The following ADAMTSL1 variants were observed in gnomAD, a reference collection of about 807,000 sequenced individuals.
The protein encoded by ADAMTSL1 is ADAMTS-like protein 1.
In ADAMTSL1, 126 loss-of-function variants were observed where a neutral mutation model predicts 201.8. The observed-to-expected ratio is 0.62, with a 90% confidence interval of 0.54 to 0.72. The LOEUF is 0.72. Ranked by LOEUF, ADAMTSL1 falls within the 30% of genes least tolerant of loss-of-function variation. The pLI, the probability that ADAMTSL1 is intolerant of heterozygous loss-of-function variation, is 0.00. For missense variants in ADAMTSL1, 2,679 were observed against 2,277.8 expected (o/e 1.18, Z -3.59); for synonymous variants, 1,121 against 903.4 (o/e 1.24, Z -4.32).
At chr9:18,014,012 A>G (rs1366358079) in intron 1 of ADAMTSL1, among the ~76,000 whole-genome samples, 1 of 152,024 alleles carries the variant, frequency 6.6e-6, no homozygotes, top group African/African-American at 2.4e-5. Flanking sequence ...TTCTCATGCC[A>G]CCTTCCAGAG....
chr9:18,367,542 C>T (rs1836824557), intron 2 of ADAMTSL1, among the ~76,000 whole-genome samples: 1 of 151,840 alleles, frequency 6.6e-6, no homozygotes, highest in Non-Finnish European at 1.5e-5. Context: ...TATTTTAAGA[C>T]ACTGATAATA....
rs184582068 is a variant in ADAMTSL1, at chr9:18,219,663, G to A, written c.207+55682G>A. 9.2e-5 allele frequency among the ~76,000 whole-genome samples: 14 copies of A among 152,210 alleles called. 1 individual carries two copies. The East Asian group carries it at 2.5e-3, about 27-fold the overall frequency. On this transcript the variant is annotated intron_variant, in intron 2 of 29. Coordinates refer to the ADAMTSL1 transcript ENST00000680146. ...ATGAGCCACTGTGCCCAGCCTATAT[G>A]TACATTTAATTAAAGTAACTTTGTC...
chr9:18,299,424 G>C (rs1369961494), intron 2 of ADAMTSL1, among the ~76,000 whole-genome samples: 1 of 152,172 alleles, frequency 6.6e-6, no homozygotes, highest in Non-Finnish European at 1.5e-5. Flanking sequence ...TCACCAGTTG[G>C]AATGGCAGTT....
chr9:18,660,518 A>G (rs1001086730), intron 8 of ADAMTSL1, among the ~76,000 whole-genome samples: 3 of 152,240 alleles, frequency 2.0e-5, no homozygotes, highest in Non-Finnish European at 4.4e-5. Flanking sequence ...TTTGAAGAAT[A>G]ATCATCTCAG....
At chr9:17,938,124 A>C (rs1827089333) in intron 1 of ADAMTSL1, among the ~76,000 whole-genome samples, 1 of 152,160 alleles carries the variant, frequency 6.6e-6, no homozygotes, top group South Asian at 2.1e-4. Flanking sequence ...TTGAATTATA[A>C]TTTAAGATTT....
chr9:18,623,376 C>A (rs1826155545), intron 5 of ADAMTSL1, among the ~76,000 whole-genome samples: 3 of 152,160 alleles, frequency 2.0e-5, no homozygotes, highest in African/African-American at 7.2e-5. Flanking sequence ...ATAACTGAAG[C>A]TTAGCCAGAT....
At chr9:18,328,352 T>C (rs923517422) in intron 2 of ADAMTSL1, among the ~76,000 whole-genome samples, 2 of 152,210 alleles carry the variant, frequency 1.3e-5, no homozygotes, top group Non-Finnish European at 2.9e-5. Context: ...TGTTTGTCTC[T>C]TTTTCTATAT....
chr9:18,712,271 A>C (rs142577798), intron 14 of ADAMTSL1, among the ~76,000 whole-genome samples: 1 of 152,088 alleles, frequency 6.6e-6, no homozygotes, highest in Non-Finnish European at 1.5e-5. Context: ...GAGCTGAGAG[A>C]AGAAGGCTTC....
At chr9:18,864,012 G>A (rs1265519977) in intron 23 of ADAMTSL1, among the ~76,000 whole-genome samples, 1 of 152,152 alleles carries the variant, frequency 6.6e-6, no homozygotes, top group Non-Finnish European at 1.5e-5. Context: ...ATGCTGACAG[G>A]CCTGGAGCCA....
intron 21 of ADAMTSL1, among the ~76,000 whole-genome samples, chr9:18,824,108 T>C (rs1241022268): frequency 6.6e-6 from 1 of 152,110 alleles, no homozygotes; most frequent in Non-Finnish European, 1.5e-5. Context: ...TTTTCCTTGT[T>C]CTTTCAGGAG....
chr9:18,305,408 G>C (rs980351452), intron 2 of ADAMTSL1, among the ~76,000 whole-genome samples: 5 of 152,192 alleles, frequency 3.3e-5, no homozygotes, highest in African/African-American at 9.6e-5. Context: ...AAGTGGTCTA[G>C]CTCAGGGGAT....
intron 2 of ADAMTSL1, among the ~76,000 whole-genome samples, chr9:18,290,574 A>C (rs909717005): frequency 1.3e-5 from 2 of 151,932 alleles, no homozygotes; most frequent in Non-Finnish European, 2.9e-5. Context: ...CTGTGATGTA[A>C]AAGACCACAA....
intron 14 of ADAMTSL1, among the ~76,000 whole-genome samples, chr9:18,709,179 C>A (rs1832407140): frequency 6.6e-6 from 1 of 152,098 alleles, no homozygotes; most frequent in Non-Finnish European, 1.5e-5. Context: ...GTCGAAAATT[C>A]CAAAGTGATG....
At chr9:18,600,512 C>T (rs1437317192) in intron 4 of ADAMTSL1, among the ~76,000 whole-genome samples, 1 of 152,160 alleles carries the variant, frequency 6.6e-6, no homozygotes, top group African/African-American at 2.4e-5. Flanking sequence ...TTTTAAGCCC[C>T]TGAGAATCTA....
At chr9:18,629,473 A>G (rs1826605513) in intron 5 of ADAMTSL1, among the ~76,000 whole-genome samples, 1 of 152,184 alleles carries the variant, frequency 6.6e-6, no homozygotes, top group Non-Finnish European at 1.5e-5. Flanking sequence ...GAATTTTATT[A>G]AATTCTCTTT....
chr9:18,464,215 C>A (rs971413900), intron 2 of ADAMTSL1, among the ~76,000 whole-genome samples: 12 of 152,318 alleles, frequency 7.9e-5, no homozygotes, highest in Admixed American at 3.9e-4. Context: ...TGAGCCAGAG[C>A]CTCAAGCTAG....
At chr9:18,383,399 T>C (rs1837644986) in intron 2 of ADAMTSL1, among the ~76,000 whole-genome samples, 1 of 152,070 alleles carries the variant, frequency 6.6e-6, no homozygotes, top group African/African-American at 2.4e-5. Flanking sequence ...AGGCCTTTCA[T>C]TTGCAAAAGG....
At chr9:18,202,027 C>T (rs1282736075) in intron 2 of ADAMTSL1, among the ~76,000 whole-genome samples, 2 of 152,098 alleles carry the variant, frequency 1.3e-5, no homozygotes, top group Non-Finnish European at 2.9e-5. Context: ...ATATGATTTG[C>T]TGTTACCATA....
chr9:17,948,381 G>C (rs1057350056), intron 1 of ADAMTSL1, among the ~76,000 whole-genome samples: 10 of 152,182 alleles, frequency 6.6e-5, no homozygotes, highest in African/African-American at 2.4e-4. Context: ...TGAATTAGCA[G>C]CTTCATGCCT....
Sources: allele counts gnomAD v4.1 joint callset (sites outside exome capture counted in the v4.1 genomes callset), GRCh38; gene constraint gnomAD v4.1.1; transcripts MANE v1.5; gene names NCBI Gene and HGNC (gene_info 2026-07-23, HGNC 2026-07-21).